The following AGT variants were observed in gnomAD, a reference collection of about 807,000 sequenced individuals.
The protein encoded by AGT is angiotensinogen.
AGT carries 26 observed loss-of-function variants against 28.1 expected under a neutral mutation model. The ratio of observed to expected loss-of-function variants is 0.92; its 90% CI spans 0.68 to 1.28. The LOEUF is 1.28. AGT is among the 50% of genes most tolerant of loss of function. The probability of loss-of-function intolerance (pLI) is 0.00; values close to 1 mark genes in which losing one functional copy is unlikely to be tolerated. For synonymous variants in AGT, 259 were observed against 259.6 expected, an observed-to-expected ratio of 1.00 and a Z score of 0.02; for missense variants, 596 against 592.3, an observed-to-expected ratio of 1.01 and a Z score of -0.06.
intron 1 of AGT, among the ~76,000 whole-genome samples, chr1:230,724,210 A>T (rs1288368700): frequency 1.3e-5 from 2 of 152,228 alleles, no homozygotes; most frequent in Non-Finnish European, 1.5e-5. Flanking sequence ...AGCCTGAAAT[A>T]TTTATTACAT....
At chr1:230,718,502 T>C (rs1170551314), upstream of AGT, among the ~76,000 whole-genome samples, 2 of 152,112 alleles carry the variant, frequency 1.3e-5, no homozygotes, top group Non-Finnish European at 2.9e-5. Flanking sequence ...ATATATCTGC[T>C]GCTTTGTATC....
chr1:230,703,099 G>C lies in AGT; in HGVS notation c.*42C>G, dbSNP rs1228372147. The C allele has an allele frequency of 6.2e-7, 1 of 1,606,032 alleles. No individual in the cohort carries two copies. Reference sequence around the variant, plus strand: ...TGCTGGCCTTTGCCTCAAAGGCCAGGGGCAGAGGCCTTGCCAGGCACTGTG... The same window carrying C: ...TGCTGGCCTTTGCCTCAAAGGCCAGCGGCAGAGGCCTTGCCAGGCACTGTG... On this transcript the variant is annotated 3_prime_UTR_variant, in exon 5 of 5. Transcript: ENST00000366667.
At chr1:230,743,306 T>C (rs1320778458) in intron 1 of AGT, among the ~76,000 whole-genome samples, 1 of 152,174 alleles carries the variant, frequency 6.6e-6, no homozygotes, top group African/African-American at 2.4e-5. Flanking sequence ...ACTCTTAACA[T>C]ACCCAAAGTG....
Position 230,710,126 on chromosome 1 carries a change from G to A in AGT, c.698C>T (p.Thr233Ile), listed in dbSNP as rs765678426. 9.3e-6 allele frequency: 15 copies of A among 1,614,050 alleles called. No homozygotes were observed. Among genetic ancestry groups the A allele is most frequent in the East Asian group, 2.2e-5 (1 of 44,882 alleles). ...CTTCTCAGCAGCAACATCCAGTTCT[G>A]TGAAGTCCAGAGAGCGTGGGAGGAC... ...PVVLPRSLDF[T>I]ELDVAAEKID... The change falls in exon 2 of 5, where the codon ACA becomes ATA. Residue 233 changes from threonine (T) to isoleucine (I), a missense_variant. Coordinates refer to ENST00000366667, the MANE Select transcript of AGT (RefSeq NM_001384479.1).
intron 1 of AGT, among the ~76,000 whole-genome samples, chr1:230,737,313 T>C (rs1664174601): frequency 6.6e-6 from 1 of 152,016 alleles, no homozygotes; most frequent in South Asian, 2.1e-4. Context: ...TTGTTTATTA[T>C]TATTATTATT....
chr1:230,736,821 T>C (rs1664164649), intron 1 of AGT, among the ~76,000 whole-genome samples: 1 of 152,080 alleles, frequency 6.6e-6, no homozygotes, highest in African/African-American at 2.4e-5. Flanking sequence ...GTAGAGGTGG[T>C]CACAACTGAA....
At chr1:230,703,473 G>T in intron 4 of AGT, 144 bp from the exon 5 acceptor site, 2 of 859,310 alleles carry the variant, frequency 2.3e-6, no homozygotes, top group Non-Finnish European at 3.8e-6. Context: ...CCAGGAGGAT[G>T]CACAGTGTAT....
In AGT at chr1:230,703,223, G is replaced by T. The variant is rs932663831; in HGVS notation, c.1349C>A (p.Pro450Gln). The change falls in exon 5 of 5, where the codon CCA becomes CAA. Residue 450 changes from proline to glutamine, a missense_variant. Transcript: ENST00000366667. ...PEVLEVTLNR[P>Q]FLFAVYDQSA... ...TTGATCATACACAGCAAACAGGAAT[G>T]GGCGGTTCAGGGTCACCTCCAAGAC... 2 of 1,614,082 alleles carry T rather than the reference G, an allele frequency of 1.2e-6. No individual in the cohort carries two copies. The highest frequency in any genetic ancestry group is 1.7e-6 in the Non-Finnish European group (2 of 1,180,050).
At chr1:230,729,906 A>C (rs1361051755) in intron 1 of AGT, among the ~76,000 whole-genome samples, 1 of 151,974 alleles carries the variant, frequency 6.6e-6, no homozygotes, top group African/African-American at 2.4e-5. Context: ...TCACGCCTGT[A>C]ATCCCAGCAC....
At chr1:230,745,417 C>A (rs1293404367) in intron 1 of AGT, among the ~76,000 whole-genome samples, 1 of 152,208 alleles carries the variant, frequency 6.6e-6, no homozygotes. Context: ...CCAAGATCAC[C>A]CCAGGGAAAA....
intron 1 of AGT, among the ~76,000 whole-genome samples, chr1:230,720,507 G>A (rs1663821699): frequency 6.6e-6 from 1 of 152,024 alleles, no homozygotes; most frequent in Non-Finnish European, 1.5e-5. Context: ...TAGGCAGATG[G>A]GGCGGGTCCC....
At chr1:230,715,774 C>T (rs769448667), upstream of AGT, among the ~76,000 whole-genome samples, 4 of 152,194 alleles carry the variant, frequency 2.6e-5, no homozygotes, top group Admixed American at 1.3e-4. Flanking sequence ...TAAAGCCTCA[C>T]AATTTGTTTC....
chr1:230,706,322 C>G (rs114152827), intron 2 of AGT, 122 bp from the exon 3 acceptor site: 258 of 1,088,116 alleles, frequency 2.4e-4, no homozygotes, highest in Middle Eastern at 1.2e-3. Flanking sequence ...CTTCCTTGGC[C>G]CCCCCCAGGC....
intron 1 of AGT, among the ~76,000 whole-genome samples, chr1:230,722,827 A>G (rs2102798847): frequency 6.6e-6 from 1 of 152,252 alleles, no homozygotes. Flanking sequence ...GTCTCAGATG[A>G]GACTTTGGAC....
chr1:230,706,825 C>T (rs1663400311), intron 2 of AGT, among the ~76,000 whole-genome samples: 2 of 152,142 alleles, frequency 1.3e-5, no homozygotes, highest in African/African-American at 4.8e-5. Flanking sequence ...GGTTTGGACG[C>T]ACGTAGAATG....
At chr1:230,706,592 A>T (rs1663393686) in intron 2 of AGT, among the ~76,000 whole-genome samples, 1 of 152,152 alleles carries the variant, frequency 6.6e-6, no homozygotes. Flanking sequence ...AATTTAAGAG[A>T]TGTTATTTTT....
chr1:230,712,238 C>T (rs1303281686), intron 1 of AGT, among the ~76,000 whole-genome samples: 4 of 152,214 alleles, frequency 2.6e-5, no homozygotes, highest in African/African-American at 9.6e-5. Context: ...TTTTCTGCTT[C>T]ATCTAAGCAT....
At chr1:230,731,001 A>G (rs1369670811) in intron 1 of AGT, among the ~76,000 whole-genome samples, 2 of 152,194 alleles carry the variant, frequency 1.3e-5, no homozygotes, top group Admixed American at 6.5e-5. Context: ...ACCACACCCT[A>G]TAGCTTAATA....
intron 1 of AGT, among the ~76,000 whole-genome samples, chr1:230,736,046 A>G (rs890667581): frequency 2.0e-5 from 3 of 152,186 alleles, no homozygotes. Flanking sequence ...AAGAGTTTGC[A>G]TATCTTTGCT....
Sources: gnomAD v4.1 joint callset for allele counts (sites outside exome capture counted in the v4.1 genomes callset) on GRCh38, gnomAD v4.1.1 for gene constraint, MANE v1.5 for transcripts, NCBI Gene and HGNC (gene_info 2026-07-23, HGNC 2026-07-21) for gene names.